Variants in FAF1 observed in about 807,000 individuals in gnomAD.
The protein encoded by FAF1 is Fas associated factor 1.
FAF1 carries 25 observed loss-of-function variants against 92.5 expected under a neutral mutation model. The ratio of observed to expected loss-of-function variants is 0.27; its 90% CI spans 0.20 to 0.38. The LOEUF (loss-of-function observed/expected upper bound fraction) is 0.38, where lower values mean the gene tolerates loss of function less well. Ranked by LOEUF, FAF1 falls within the 10% of genes least tolerant of loss-of-function variation. FAF1 has a pLI of 1.00. For missense variants in FAF1, 636 were observed against 793.3 expected, an observed-to-expected ratio of 0.80 and a Z score of 2.38; for synonymous variants, 234 against 273.2, an observed-to-expected ratio of 0.86 and a Z score of 1.42.
rs751610171 is a variant in FAF1 at position 50,583,747 on chromosome 1, A to C, written c.968-32T>G. On this transcript the variant is annotated intron_variant, in intron 10 of 18. Transcript: ENST00000396153. This position sits in a 1 kb window ranked among gnomAD's most constrained non-coding sequence, Gnocchi z 4.2. ...AACAAACAAAAGAAAAAACAAAAAC[A>C]AAAAAACAAAACAAATAGACACAAA... is the stretch of plus-strand genomic sequence containing the variant. 8 of 1,463,464 alleles carry C rather than the reference A, an allele frequency of 5.5e-6. No individual in the cohort carries two copies. The highest frequency in any genetic ancestry group is 7.5e-6 in the Non-Finnish European group (8 of 1,062,052). The allele number at this position is 1,463,464 out of a possible 1,614,324, so 90.7% of individuals were successfully genotyped here. A position where few individuals can be genotyped will look rare whatever the true frequency, so the allele number is the denominator to read the frequency against.
chr1:50,703,179 G>GT (rs903403323), intron 7 of FAF1, among the ~76,000 whole-genome samples: 1 of 151,990 alleles, frequency 6.6e-6, no homozygotes, highest in Non-Finnish European at 1.5e-5. Flanking sequence ...AGCACATATG[G>GT]TATCATTAAG....
At chr1:50,452,186 C>T (rs558626287) in intron 18 of FAF1, 3 of 1,333,498 alleles carry the variant, frequency 2.2e-6, no homozygotes, top group African/African-American at 1.5e-5. Flanking sequence ...CCTGGAAAGT[C>T]CTGGAATCTG....
intron 1 of FAF1, among the ~76,000 whole-genome samples, chr1:50,923,822 G>A (rs1467816355): frequency 2.0e-5 from 3 of 152,020 alleles, no homozygotes; most frequent in Non-Finnish European, 4.4e-5. Context: ...TCAAGAACCA[G>A]AATCATATTT....
At chr1:50,508,172 TTTTGGTTCCTC>T (rs1369359186) in intron 15 of FAF1, among the ~76,000 whole-genome samples, 1 of 152,218 alleles carries the variant, frequency 6.6e-6, no homozygotes. Context: ...GAAGGTTCCT[TTTTGGTTCCTC>T]AAAAAGTTAA....
At chr1:50,816,832 T>C (rs1643982083) in intron 2 of FAF1, among the ~76,000 whole-genome samples, 1 of 152,214 alleles carries the variant, frequency 6.6e-6, no homozygotes, top group East Asian at 1.9e-4. Context: ...TTTAATTCTT[T>C]CATCCATCCT....
chr1:50,547,160 T>C (rs944977419), intron 13 of FAF1, among the ~76,000 whole-genome samples: 11 of 152,216 alleles, frequency 7.2e-5, no homozygotes, highest in Non-Finnish European at 5.9e-5. Context: ...CCCAAACTGC[T>C]GGGATTACAG....
At chr1:50,649,425 C>A (rs1557455265) in intron 8 of FAF1, among the ~76,000 whole-genome samples, 1 of 152,112 alleles carries the variant, frequency 6.6e-6, no homozygotes, top group African/African-American at 2.4e-5. Context: ...TGCTGGATTA[C>A]AGGTGTGAGC....
chr1:50,836,441 C>T (rs1196766601), intron 2 of FAF1, among the ~76,000 whole-genome samples: 1 of 152,064 alleles, frequency 6.6e-6, no homozygotes, highest in African/African-American at 2.4e-5. Context: ...TAATCTCTTA[C>T]AAATGGTAAT....
intron 16 of FAF1, among the ~76,000 whole-genome samples, chr1:50,491,082 C>T (rs1646834022): frequency 6.6e-6 from 1 of 152,190 alleles, no homozygotes; most frequent in Admixed American, 6.5e-5. Flanking sequence ...TTCCCTCCTA[C>T]TGCTCTTTCT....
intron 9 of FAF1, among the ~76,000 whole-genome samples, chr1:50,595,274 G>A (rs982573896): frequency 1.3e-5 from 2 of 151,920 alleles, no homozygotes; most frequent in African/African-American, 4.8e-5. Flanking sequence ...GGCTGGTCTC[G>A]AACTCCTGAC....
At chr1:50,461,274 T>C (rs1646426195) in intron 18 of FAF1, among the ~76,000 whole-genome samples, 2 of 152,206 alleles carry the variant, frequency 1.3e-5, no homozygotes, top group Non-Finnish European at 2.9e-5. Context: ...CAGCCAAATC[T>C]GTGTATTTTT....
At chr1:50,764,108 T>C (rs960733934) in intron 4 of FAF1, among the ~76,000 whole-genome samples, 1 of 152,140 alleles carries the variant, frequency 6.6e-6, no homozygotes, top group Admixed American at 6.5e-5. Flanking sequence ...TTCTCATTAC[T>C]TTTTTTGTTC....
chr1:50,762,661 C>CT (rs1228271994), intron 4 of FAF1, among the ~76,000 whole-genome samples: 3 of 152,270 alleles, frequency 2.0e-5, no homozygotes, highest in African/African-American at 7.2e-5. Flanking sequence ...AACTGGATCC[C>CT]TCCTTACACC....
At chr1:50,814,722 T>C (rs1056546552) in intron 2 of FAF1, among the ~76,000 whole-genome samples, 1 of 151,988 alleles carries the variant, frequency 6.6e-6, no homozygotes, top group Non-Finnish European at 1.5e-5. Context: ...AAATGGCCAA[T>C]AAGTACATGG....
At chr1:50,919,458 A>G (rs1644945359) in intron 1 of FAF1, among the ~76,000 whole-genome samples, 1 of 152,142 alleles carries the variant, frequency 6.6e-6, no homozygotes, top group Admixed American at 6.5e-5. Flanking sequence ...GAAAAGAATA[A>G]AATAAAGGCT....
At chr1:50,631,135 T>C (rs1334326383) in intron 8 of FAF1, among the ~76,000 whole-genome samples, 4 of 152,110 alleles carry the variant, frequency 2.6e-5, no homozygotes, top group Non-Finnish European at 4.4e-5. Flanking sequence ...TGCAGTTATC[T>C]CTACTGTCTA....
intron 17 of FAF1, among the ~76,000 whole-genome samples, chr1:50,488,163 G>T (rs1646788463): frequency 1.3e-5 from 2 of 152,146 alleles, no homozygotes; most frequent in South Asian, 4.1e-4. Flanking sequence ...TTTTATGGGA[G>T]CATATCAATA....
intron 7 of FAF1, among the ~76,000 whole-genome samples, chr1:50,691,193 T>C (rs897586493): frequency 6.6e-6 from 1 of 152,174 alleles, no homozygotes; most frequent in African/African-American, 2.4e-5. Flanking sequence ...CCACCAGCAA[T>C]GCGTAATAGT....
intron 18 of FAF1, among the ~76,000 whole-genome samples, chr1:50,458,511 G>A (rs961274085): frequency 6.6e-6 from 1 of 152,166 alleles, no homozygotes; most frequent in African/African-American, 2.4e-5. Context: ...CAAGTCCTCT[G>A]TAAATAAGTT....
Sources: allele counts gnomAD v4.1 joint callset (sites outside exome capture counted in the v4.1 genomes callset), GRCh38; gene constraint gnomAD v4.1.1; non-coding constraint Gnocchi (gnomAD v3.1); transcripts MANE v1.5; gene names NCBI Gene and HGNC (gene_info 2026-07-23, HGNC 2026-07-21).